Variants in TEAD3 observed in about 807,000 individuals in gnomAD.
The protein encoded by TEAD3 is TEA domain transcription factor 3.
TEAD3 carries 15 observed loss-of-function variants against 55.6 expected under a neutral mutation model. That is an observed-to-expected ratio of 0.27 (90% CI 0.18 to 0.42). The LOEUF (loss-of-function observed/expected upper bound fraction) is 0.42, where lower values mean the gene tolerates loss of function less well. Among genes scored for constraint, TEAD3 ranks in the 10% least tolerant of loss-of-function variants. TEAD3 has a pLI of 1.00. For missense variants in TEAD3, 407 were observed against 576.8 expected (o/e 0.71, Z 3.01); for synonymous variants, 210 against 232.2 (o/e 0.90, Z 0.87).
At position 35,486,220 on chromosome 6, in the gene TEAD3, G is replaced by A. The variant is rs146859768; in HGVS notation, c.202+241C>T. ...TGAGTCACCTCGAAACCTCCAGGCCGGTAGCGGGGAGGAGAGGAGGAGCAG... is the reference window on the plus strand; with the variant it reads ...TGAGTCACCTCGAAACCTCCAGGCCAGTAGCGGGGAGGAGAGGAGGAGCAG... On this transcript the variant is annotated intron_variant, in intron 2 of 12. Transcript: ENST00000639578. The surrounding 1 kb of genome is among the most constrained non-coding windows in gnomAD (Gnocchi z 7.3). 2.1e-3 allele frequency among the ~76,000 whole-genome samples: 320 copies of A among 152,358 alleles called. 1 individual carries two copies. The highest frequency in any genetic ancestry group is 3.7e-3 in the Non-Finnish European group (253 of 68,026).
chr6:35,473,624 CTTTAA>C (rs1296394071), downstream of TEAD3: 2 of 139,568 alleles, frequency 1.4e-5, no homozygotes, highest in East Asian at 2.1e-4. Context: ...AAACAAATAA[CTTTAA>C]TTTTTTTTTT....
intron 5 of TEAD3, 146 bp from the exon 6 acceptor site, chr6:35,478,717 CT>C: frequency 8.9e-7 from 1 of 1,122,666 alleles, no homozygotes; most frequent in Non-Finnish European, 1.2e-6. Context: ...AGCCCCAGCT[CT>C]GCTGTGTGAT....
chr6:35,484,423 G>T lies in TEAD3; in HGVS notation c.267+137C>A. 1 of 761,652 alleles carries T rather than the reference G, an allele frequency of 1.3e-6. No individual in the cohort carries two copies. The highest frequency in any genetic ancestry group is 2.3e-6 in the Non-Finnish European group (1 of 444,338). The allele number at this position is 761,652 out of a possible 1,614,324, so 47.2% of individuals were successfully genotyped here. ...GTGTAAAATCGAGGGGGTAAGGGGA[G>T]TGTGATGAGGCAAGGAGGGTGGCAG... On this transcript the variant is annotated intron_variant, in intron 3 of 12. Transcript: ENST00000639578. This position sits in a 1 kb window ranked among gnomAD's most constrained non-coding sequence, Gnocchi z 5.8.
Position 35,488,405 on chromosome 6 carries a change from C to T in TEAD3, c.-49-1694G>A, listed in dbSNP as rs1282906746. On this transcript the variant is annotated intron_variant, in intron 1 of 12. Transcript: ENST00000639578. This position sits in a 1 kb window ranked among gnomAD's most constrained non-coding sequence, Gnocchi z 4.2. Reference sequence around the variant, plus strand: ...ACAACCCCAAGACTCACCCCAAATCCCCTTCAGCCCCAGAACCCACATGTC... The same window carrying T: ...ACAACCCCAAGACTCACCCCAAATCTCCTTCAGCCCCAGAACCCACATGTC... Among the ~76,000 whole-genome samples, 1 of 152,140 alleles carries T rather than the reference C, an allele frequency of 6.6e-6. No individual in the cohort carries two copies. Among genetic ancestry groups the T allele is most frequent in the East Asian group, 1.9e-4 (1 of 5,164 alleles).
At position 35,496,483 on chromosome 6, in the gene TEAD3, G is replaced by C. The variant is rs571728232; in HGVS notation, c.-50+415C>G. The stretch of plus-strand genomic sequence containing the variant: ...GGCCGGGCGGGCTCCGGGAGCGCGC[G>C]GGCCGGGAGTCCAAAGGGCGGCGGG... On this transcript the variant is annotated intron_variant, in intron 1 of 12. Transcript: ENST00000639578. The surrounding 1 kb of genome is among the most constrained non-coding windows in gnomAD (Gnocchi z 4.8). Among the ~76,000 whole-genome samples, 3 of 152,152 alleles carry C rather than the reference G, an allele frequency of 2.0e-5. No homozygotes were observed. Among genetic ancestry groups the C allele is most frequent in the South Asian group, 2.1e-4 (1 of 4,830 alleles).
chr6:35,490,194 C>A (rs565833482), intron 1 of TEAD3, among the ~76,000 whole-genome samples: 6 of 152,198 alleles, frequency 3.9e-5, no homozygotes, highest in East Asian at 1.9e-4. Context: ...TGTGGCCCCC[C>A]CTTCTTAGGG....
rs1768347866 is a variant in TEAD3 at position 35,485,136 on chromosome 6, T to G, written c.203-512A>C. On this transcript the variant is annotated intron_variant, in intron 2 of 12. Coordinates refer to ENST00000639578, the Ensembl canonical transcript of TEAD3. The surrounding 1 kb of genome is among the most constrained non-coding windows in gnomAD (Gnocchi z 4.3). ...TTGCTCTGTCTTTACCCTGGTCAAG[T>G]CCCTTCCCTTCTCTGGTAAAAGACC... Among the ~76,000 whole-genome samples, 1 of 152,116 alleles carries G rather than the reference T, an allele frequency of 6.6e-6. No individual in the cohort carries two copies. Among genetic ancestry groups the G allele is most frequent in the South Asian group, 2.1e-4 (1 of 4,836 alleles).
chr6:35,486,584 G>A lies in TEAD3; in HGVS notation c.79C>T (p.Leu27=). 6.2e-7 allele frequency: 1 copy of A among 1,613,542 alleles called. No homozygotes were observed. The highest frequency in any genetic ancestry group is 8.5e-7 in the Non-Finnish European group (1 of 1,179,792). The change falls in exon 2 of 13, where the codon CTG becomes TTG. Residue 27 remains leucine, a synonymous_variant. Coordinates refer to ENST00000639578, the Ensembl canonical transcript of TEAD3. This position sits in a 1 kb window ranked among gnomAD's most constrained non-coding sequence, Gnocchi z 7.3. ...CACACGCCCTCCGCATCGTTGTCCA[G>A]CCCCTTGTCCAGGCCCTCGGGCCCA...
Position 35,486,316 on chromosome 6 carries a change from G to A in TEAD3, c.202+145C>T, listed in dbSNP as rs1278618236. 7.1e-6 allele frequency: 7 copies of A among 982,204 alleles called. No homozygotes were observed. In the African/African-American group the frequency reaches 9.9e-5, roughly 14 times the overall value. 60.8% of individuals were successfully genotyped at this position (982,204 alleles called of 1,614,324 possible). Reference sequence around the variant, plus strand: ...CCGGCTTGTTTATGAGGAGGAGCGCGGAGGAGGATCCAGACACACAGGCTT... The same window carrying A: ...CCGGCTTGTTTATGAGGAGGAGCGCAGAGGAGGATCCAGACACACAGGCTT... On this transcript the variant is annotated intron_variant, in intron 2 of 12. Coordinates refer to ENST00000639578, the Ensembl canonical transcript of TEAD3. This position sits in a 1 kb window ranked among gnomAD's most constrained non-coding sequence, Gnocchi z 7.3.
intron 1 of TEAD3, among the ~76,000 whole-genome samples, chr6:35,487,584 A>C (rs1008333964): frequency 6.7e-6 from 1 of 149,938 alleles, no homozygotes; most frequent in Non-Finnish European, 1.5e-5. Flanking sequence ...TTAGCAGGGC[A>C]TGGCAGCATA....
At chr6:35,474,894 T>G in exon 13 of TEAD3, 1 of 618,014 alleles carries the variant, frequency 1.6e-6, no homozygotes, top group Non-Finnish European at 2.9e-6. Flanking sequence ...AGGGAGTGTG[T>G]GTGCTGGGGT....
rs1356075803 is a variant in TEAD3, at chr6:35,488,992, C to T, written c.-49-2281G>A. ...CAGGCTGGTCTCAAACTTCTGACCT[C>T]ATGGTCCGCCAGCCTCGGCCTCCCA... On this transcript the variant is annotated intron_variant, in intron 1 of 12. Coordinates refer to ENST00000639578, the Ensembl canonical transcript of TEAD3. The surrounding 1 kb of genome is among the most constrained non-coding windows in gnomAD (Gnocchi z 4.2). 1.3e-5 allele frequency among the ~76,000 whole-genome samples: 2 copies of T among 152,232 alleles called. No individual in the cohort carries two copies. The highest frequency in any genetic ancestry group is 2.4e-5 in the African/African-American group (1 of 41,456).
chr6:35,476,578 G>A, intron 8 of TEAD3, 143 bp from the exon 9 acceptor site: 1 of 867,932 alleles, frequency 1.2e-6, no homozygotes. Context: ...CTTGTACAGT[G>A]TACAACCTGC....
At chr6:35,476,506 T>C in intron 8 of TEAD3, 71 bp from the exon 9 acceptor site, 1 of 1,583,940 alleles carries the variant, frequency 6.3e-7, no homozygotes, top group African/African-American at 1.3e-5. Flanking sequence ...TGCCCCCAGC[T>C]TGCAAAGGTG....
At chr6:35,480,037 G>C in intron 4 of TEAD3, 1 of 1,485,614 alleles carries the variant, frequency 6.7e-7, no homozygotes, top group South Asian at 1.2e-5. Context: ...GGCAGGCCAG[G>C]CCAGGTGGCA....
intron 1 of TEAD3, among the ~76,000 whole-genome samples, chr6:35,489,897 A>C (rs1253292023): frequency 2.0e-5 from 3 of 152,122 alleles, no homozygotes; most frequent in African/African-American, 7.2e-5. Flanking sequence ...TTAAATTAAA[A>C]AAACAAAAAG....
At position 35,484,669 on chromosome 6, in the gene TEAD3, A is replaced by C. The variant is rs1768336332; in HGVS notation, c.203-45T>G. 1 of 1,544,686 alleles carries C rather than the reference A, an allele frequency of 6.5e-7. No homozygotes were observed. The highest frequency in any genetic ancestry group is 8.8e-7 in the Non-Finnish European group (1 of 1,137,992). Reference sequence around the variant, plus strand: ...AAAATGAGGAGTGGGCAAAGGGTGGAGCCAGAGGCTGGAGGCCCCCACCCC... The same window carrying C: ...AAAATGAGGAGTGGGCAAAGGGTGGCGCCAGAGGCTGGAGGCCCCCACCCC... On this transcript the variant is annotated intron_variant, in intron 2 of 12. Coordinates refer to ENST00000639578, the Ensembl canonical transcript of TEAD3. The surrounding 1 kb of genome is among the most constrained non-coding windows in gnomAD (Gnocchi z 5.8).
chr6:35,490,260 A>G (rs1301973919), intron 1 of TEAD3, among the ~76,000 whole-genome samples: 1 of 152,158 alleles, frequency 6.6e-6, no homozygotes, highest in Non-Finnish European at 1.5e-5. Context: ...TATGGCGAAC[A>G]CAGCAGCAGG....
chr6:35,481,351 G>A (rs753037612), intron 3 of TEAD3, among the ~76,000 whole-genome samples: 4 of 152,092 alleles, frequency 2.6e-5, no homozygotes, highest in African/African-American at 7.2e-5. Flanking sequence ...GCCGCTTCAC[G>A]CTTTCAGCAT....
Sources: allele counts gnomAD v4.1 joint callset (sites outside exome capture counted in the v4.1 genomes callset), GRCh38; gene constraint gnomAD v4.1.1; non-coding constraint Gnocchi (gnomAD v3.1); transcripts MANE v1.5; gene names NCBI Gene and HGNC (gene_info 2026-07-23, HGNC 2026-07-21).